The following CFAP299 variants were observed in gnomAD, a reference collection of about 807,000 sequenced individuals.
CFAP299 encodes cilia- and flagella-associated protein 299.
In CFAP299, 21 loss-of-function variants were observed where a neutral mutation model predicts 27.0. The observed-to-expected ratio is 0.78, with a 90% CI of 0.55 to 1.12. CFAP299 has a LOEUF of 1.12. Among genes scored for constraint, CFAP299 ranks in the 50% most tolerant of loss-of-function variants. CFAP299 has a pLI of 0.00. For missense variants in CFAP299, 310 were observed against 276.6 expected, an observed-to-expected ratio of 1.12 and a Z score of -0.86; for synonymous variants, 104 against 98.1, an observed-to-expected ratio of 1.06 and a Z score of -0.36.
At chr4:80,690,359 A>C (rs182248782) in intron 3 of CFAP299, among the ~76,000 whole-genome samples, 10,796 of 152,014 alleles carry the variant, frequency 0.071, 857 homozygotes, top group African/African-American at 0.19. Context: ...GACCACAGTG[A>C]AATCAAACTA....
chr4:80,864,538 A>G (rs111614481), intron 3 of CFAP299, among the ~76,000 whole-genome samples: 2 of 147,782 alleles, frequency 1.4e-5, no homozygotes, highest in Non-Finnish European at 3.0e-5. Flanking sequence ...ACATATACGT[A>G]TATATAGGTA....
intron 4 of CFAP299, among the ~76,000 whole-genome samples, chr4:80,876,061 G>A (rs1353605399): frequency 6.6e-6 from 1 of 151,438 alleles, no homozygotes; most frequent in African/African-American, 2.4e-5. Context: ...TGTTAACTGA[G>A]CACTTACTGT....
At chr4:80,423,156 C>T (rs903873828) in intron 2 of CFAP299, among the ~76,000 whole-genome samples, 13 of 152,216 alleles carry the variant, frequency 8.5e-5, no homozygotes, top group African/African-American at 2.9e-4. Flanking sequence ...CTGTGGTTGA[C>T]AAGAACCTTG....
intron 2 of CFAP299, among the ~76,000 whole-genome samples, chr4:80,377,196 T>G (rs1476953953): frequency 6.6e-6 from 1 of 152,144 alleles, no homozygotes; most frequent in African/African-American, 2.4e-5. Context: ...TTATTTGAAT[T>G]CCTAGTTACA....
intron 3 of CFAP299, among the ~76,000 whole-genome samples, chr4:80,699,614 G>A (rs937943366): frequency 2.0e-5 from 3 of 152,120 alleles, no homozygotes; most frequent in African/African-American, 7.2e-5. Flanking sequence ...GATGGTCAAT[G>A]TGTTATATTT....
chr4:80,342,492 A>T (rs1207310416), intron 1 of CFAP299, among the ~76,000 whole-genome samples: 2 of 152,240 alleles, frequency 1.3e-5, no homozygotes, highest in Non-Finnish European at 2.9e-5. Flanking sequence ...CCTACAAGCC[A>T]GAAGAGATTG....
chr4:80,821,557 T>C (rs774065406), intron 3 of CFAP299, among the ~76,000 whole-genome samples: 23 of 152,046 alleles, frequency 1.5e-4, no homozygotes, highest in Admixed American at 5.9e-4. Context: ...TTTGCAAATC[T>C]CACACAGCCT....
intron 3 of CFAP299, chr4:80,639,665 G>C (rs1296063076): frequency 7.8e-6 from 1 of 127,650 alleles, no homozygotes; most frequent in Non-Finnish European, 1.7e-5. Flanking sequence ...GCAGAGTTAT[G>C]TTTTTATTTA....
chr4:80,753,626 T>C (rs1390213656), intron 3 of CFAP299, among the ~76,000 whole-genome samples: 1 of 152,186 alleles, frequency 6.6e-6, no homozygotes, highest in Admixed American at 6.5e-5. Flanking sequence ...CTGTTACACA[T>C]ACGTTGGACT....
rs772810572 is a variant in CFAP299 at position 80,944,937 on chromosome 4, A to G, written c.604A>G (p.Lys202Glu). 13 of 1,610,558 alleles carry G rather than the reference A, an allele frequency of 8.1e-6. No individual in the cohort carries two copies. The Admixed American group carries it at 2.2e-4, about 27-fold the overall frequency. Residue 202 changes from lysine to glutamate, a missense_variant and splice_region_variant, in exon 5 of 6, where the codon AAG (lysine) becomes GAG (glutamate). By Grantham distance (56) the Lys-to-Glu change is moderately conservative (BLOSUM62 1). Transcript: ENST00000358105. ...RDRKILNVDP[K>E]AQPGDNSTRI... ...CAGAAAAATTCTTAATGTGGACCCA[A>G]AGGTAATTCTTCTTTTACACTTAGT...
intron 2 of CFAP299, among the ~76,000 whole-genome samples, chr4:80,552,343 A>C (rs1401256698): frequency 6.6e-6 from 1 of 152,184 alleles, no homozygotes; most frequent in Non-Finnish European, 1.5e-5. Flanking sequence ...GAGTGTCTTC[A>C]AGTGGAAATG....
At chr4:80,604,906 A>T (rs1377836215) in intron 3 of CFAP299, among the ~76,000 whole-genome samples, 2 of 151,914 alleles carry the variant, frequency 1.3e-5, no homozygotes, top group Non-Finnish European at 1.5e-5. Context: ...AAAAAAAAAC[A>T]TGTAATCCTA....
chr4:80,469,336 A>T (rs940426333), intron 2 of CFAP299, among the ~76,000 whole-genome samples: 2 of 152,212 alleles, frequency 1.3e-5, no homozygotes, highest in African/African-American at 4.8e-5. Context: ...TCTGAAAGTG[A>T]AAGTGGGTTT....
At chr4:80,583,632 G>A (rs1197381024) in intron 3 of CFAP299, among the ~76,000 whole-genome samples, 1 of 151,788 alleles carries the variant, frequency 6.6e-6, no homozygotes, top group South Asian at 2.1e-4. Flanking sequence ...GAAGAACTGT[G>A]TTATCATTAT....
At chr4:80,579,328 A>C (rs114900640) in intron 2 of CFAP299, among the ~76,000 whole-genome samples, 156 of 152,328 alleles carry the variant, frequency 1.0e-3, no homozygotes, top group African/African-American at 3.5e-3. Context: ...AATGTGCAAA[A>C]GTTAGTGACA....
intron 2 of CFAP299, among the ~76,000 whole-genome samples, chr4:80,378,363 T>G (rs1201379955): frequency 6.6e-6 from 1 of 152,158 alleles, no homozygotes; most frequent in African/African-American, 2.4e-5. Flanking sequence ...AAATTAAACC[T>G]TTTATTTCTC....
intron 3 of CFAP299, among the ~76,000 whole-genome samples, chr4:80,781,598 T>C (rs1726882089): frequency 1.3e-5 from 2 of 152,098 alleles, no homozygotes; most frequent in Admixed American, 1.3e-4. Context: ...ATGTCATTGT[T>C]CATGCAATAA....
rs1491469337 is a variant in CFAP299, at chr4:80,390,877, GTA to G, written c.242+27999_242+28000del. Among the ~76,000 whole-genome samples the G allele has an allele frequency of 1.0e-3, 89 of 86,692 alleles. 1 individual carries two copies. Among genetic ancestry groups the G allele is most frequent in the Admixed American group, 2.2e-3 (14 of 6,462 alleles). 56.9% of individuals were successfully genotyped at this position (86,692 alleles called of 152,430 possible). A position where few individuals can be genotyped will look rare whatever the true frequency, so the allele number is the denominator to read the frequency against. The stretch of plus-strand genomic sequence containing the variant: ...TGTATATGTATATGCGCACATATAT[GTA>G]TATATGTATATACACACATATGCAT... On this transcript the variant is annotated intron_variant, in intron 2 of 5. Coordinates refer to ENST00000358105, the MANE Select transcript of CFAP299 (RefSeq NM_152770.3).
intron 2 of CFAP299, among the ~76,000 whole-genome samples, chr4:80,468,615 A>G (rs1197711446): frequency 2.6e-5 from 4 of 151,796 alleles, no homozygotes; most frequent in African/African-American, 4.8e-5. Flanking sequence ...TGGGTGGATC[A>G]CTTGAAGTCA....
Sources: gnomAD v4.1 joint callset for allele counts (sites outside exome capture counted in the v4.1 genomes callset) on GRCh38, gnomAD v4.1.1 for gene constraint, MANE v1.5 for transcripts, NCBI Gene and HGNC (gene_info 2026-07-23, HGNC 2026-07-21) for gene names.